Variants in LTA4H observed in about 807,000 individuals in gnomAD.
LTA4H encodes leukotriene A-4 hydrolase.
In LTA4H, 59 loss-of-function variants were observed where a neutral mutation model predicts 89.8. The ratio of observed to expected loss-of-function variants is 0.66; its 90% CI spans 0.53 to 0.82. The LOEUF is 0.82. Among genes scored for constraint, LTA4H ranks in the 40% least tolerant of loss-of-function variants. LTA4H has a pLI of 0.00. For synonymous variants in LTA4H, 227 were observed against 253.1 expected (o/e 0.90, Z 0.98); for missense variants, 617 against 727.0 (o/e 0.85, Z 1.74).
chr12:96,034,791 C>G (rs1950617987), intron 1 of LTA4H, among the ~76,000 whole-genome samples: 1 of 152,160 alleles, frequency 6.6e-6, no homozygotes, highest in African/African-American at 2.4e-5. Context: ...GCCCTGCAGA[C>G]CTGTGGATTG....
intron 12 of LTA4H, chr12:96,014,442 ATGTAT>A (rs1950347444): frequency 6.3e-6 from 1 of 158,426 alleles, no homozygotes; most frequent in Non-Finnish European, 1.4e-5. Flanking sequence ...AAATAATTAC[ATGTAT>A]TTATTTGTCT....
chr12:96,031,366 C>G (rs1424690767), intron 1 of LTA4H, among the ~76,000 whole-genome samples: 1 of 152,146 alleles, frequency 6.6e-6, no homozygotes, highest in East Asian at 1.9e-4. Context: ...ATCTCAAGTC[C>G]TAAGTCTCAA....
intron 6 of LTA4H, among the ~76,000 whole-genome samples, chr12:96,019,583 C>CTT (rs1194400496): frequency 1.1e-4 from 16 of 140,354 alleles, no homozygotes; most frequent in African/African-American, 4.2e-4. Flanking sequence ...TCATAAGAAA[C>CTT]TATTTTTTTT....
chr12:96,007,120 G>A (rs1355028645), intron 15 of LTA4H, among the ~76,000 whole-genome samples: 1 of 152,242 alleles, frequency 6.6e-6, no homozygotes, highest in East Asian at 1.9e-4. Flanking sequence ...CTGTCTCCAA[G>A]TACTACTCCT....
At chr12:96,035,621 G>A, upstream of LTA4H, 1 of 1,457,050 alleles carries the variant, frequency 6.9e-7, no homozygotes, top group Non-Finnish European at 9.1e-7. Flanking sequence ...TAAAGAAGAG[G>A]AGGAGGGATT....
intron 13 of LTA4H, among the ~76,000 whole-genome samples, chr12:96,013,549 T>C (rs988775442): frequency 5.9e-5 from 9 of 152,172 alleles, no homozygotes; most frequent in Admixed American, 4.6e-4. Flanking sequence ...ACCATACTAT[T>C]GATGACTTCT....
upstream of LTA4H, among the ~76,000 whole-genome samples, chr12:96,040,438 A>G (rs1327704603): frequency 6.6e-6 from 1 of 152,194 alleles, no homozygotes; most frequent in African/African-American, 2.4e-5. Context: ...ACATTTCCCA[A>G]CCTTCTTTGC....
At chr12:96,027,362 T>C (rs905781997) in intron 3 of LTA4H, 82 bp downstream of exon 3, 2 of 1,280,500 alleles carry the variant, frequency 1.6e-6, no homozygotes, top group Non-Finnish European at 2.1e-6. Flanking sequence ...ACATAATCCA[T>C]AAAACCACTG....
At chr12:96,035,754 T>G, upstream of LTA4H, 1 of 1,041,348 alleles carries the variant, frequency 9.6e-7, no homozygotes, top group Non-Finnish European at 1.3e-6. Flanking sequence ...GGAGCGTGTG[T>G]GTTAGGGATG....
intron 18 of LTA4H, among the ~76,000 whole-genome samples, chr12:96,002,090 C>T (rs1257082837): frequency 5.3e-5 from 8 of 152,182 alleles, no homozygotes; most frequent in Non-Finnish European, 1.0e-4. Flanking sequence ...AACTCCTGAC[C>T]TCGTGATCTG....
chr12:96,042,709 AT>A (rs1950697118), intron 1 of LTA4H, among the ~76,000 whole-genome samples: 1 of 152,200 alleles, frequency 6.6e-6, no homozygotes, highest in Non-Finnish European at 1.5e-5. Context: ...TGGTCTGGTG[AT>A]AATTTCCAGG....
upstream of LTA4H, among the ~76,000 whole-genome samples, chr12:96,036,658 G>A (rs1950650104): frequency 6.6e-6 from 1 of 152,232 alleles, no homozygotes; most frequent in South Asian, 2.1e-4. Context: ...TGGATTCACA[G>A]ATTGAGAGGA....
At chr12:96,018,423 C>T (rs1247795257) in intron 8 of LTA4H, among the ~76,000 whole-genome samples, 1 of 152,066 alleles carries the variant, frequency 6.6e-6, no homozygotes, top group Non-Finnish European at 1.5e-5. Context: ...GTGGTGTGCA[C>T]CTATAGTCCC....
chr12:96,011,622 C>T (rs745377151), intron 14 of LTA4H: 11 of 152,182 alleles, frequency 7.2e-5, no homozygotes, highest in Non-Finnish European at 1.0e-4. Flanking sequence ...ATTATAATTA[C>T]TTGATACATA....
In LTA4H at chr12:96,000,814, A is replaced by G. The variant is rs888080208; in HGVS notation, c.*175T>C. Reference sequence around the variant, plus strand: ...AAGATTAAACCTTGTTAAAATTTACAAAGAATATGCCACTATAAGAAGAAG... The same window carrying G: ...AAGATTAAACCTTGTTAAAATTTACGAAGAATATGCCACTATAAGAAGAAG... On this transcript the variant is annotated 3_prime_UTR_variant, in exon 19 of 19. Transcript: ENST00000228740. 1.1e-5 allele frequency: 5 copies of G among 465,454 alleles called. No individual in the cohort carries two copies. The highest frequency in any genetic ancestry group is 1.9e-5 in the Non-Finnish European group (5 of 259,904). The allele number at this position is 465,454 out of a possible 1,614,324, so 28.8% of individuals were successfully genotyped here.
intron 2 of LTA4H, 96 bp from the exon 3 acceptor site, chr12:96,027,660 T>A: frequency 1.5e-6 from 1 of 664,248 alleles, no homozygotes; most frequent in Non-Finnish European, 2.4e-6. Flanking sequence ...AATAACATAG[T>A]ATGCATTCTC....
intron 14 of LTA4H, chr12:96,010,609 C>G (rs567402458): frequency 6.6e-6 from 1 of 152,210 alleles, no homozygotes; most frequent in Non-Finnish European, 1.5e-5. Flanking sequence ...GTGACTGAAG[C>G]AAAGGGAGCT....
At chr12:96,024,654 T>G in intron 3 of LTA4H, 107 bp from the exon 4 acceptor site, 8 of 650,614 alleles carry the variant, frequency 1.2e-5, no homozygotes, top group African/African-American at 1.9e-5. Context: ...ATAAAAACAG[T>G]CCTCATTTCT....
intron 3 of LTA4H, among the ~76,000 whole-genome samples, chr12:96,026,409 T>A (rs540862489): frequency 6.6e-6 from 1 of 152,336 alleles, no homozygotes; most frequent in South Asian, 2.1e-4. Context: ...GAATAATATA[T>A]TCAAAATTAA....
Sources: allele counts gnomAD v4.1 joint callset (sites outside exome capture counted in the v4.1 genomes callset), GRCh38; gene constraint gnomAD v4.1.1; transcripts MANE v1.5; gene names NCBI Gene and HGNC (gene_info 2026-07-23, HGNC 2026-07-21).